The following SMIM35 variants were observed in gnomAD, a reference collection of about 807,000 sequenced individuals.
SMIM35 encodes small integral membrane protein 35.
intron 1 of SMIM35, among the ~76,000 whole-genome samples, chr11:118,060,572 C>T (rs1258476657): frequency 1.3e-5 from 2 of 152,174 alleles, no homozygotes; most frequent in South Asian, 2.1e-4. Context: ...CTGCCATGCT[C>T]ACCTGGGAGA....
intron 1 of SMIM35, among the ~76,000 whole-genome samples, chr11:118,018,597 T>C (rs939388823): frequency 3.9e-5 from 6 of 152,106 alleles, no homozygotes; most frequent in African/African-American, 1.4e-4. Flanking sequence ...GTGGTGTTTG[T>C]GGAAGCTGGG....
intron 1 of SMIM35, among the ~76,000 whole-genome samples, chr11:118,044,288 T>C (rs1317295760): frequency 6.8e-6 from 1 of 147,266 alleles, no homozygotes; most frequent in Non-Finnish European, 1.5e-5. Flanking sequence ...AAACCAAATC[T>C]TAGTCACTGA....
At chr11:118,064,878 C>T (rs1348448609) in intron 1 of SMIM35, among the ~76,000 whole-genome samples, 3 of 152,204 alleles carry the variant, frequency 2.0e-5, no homozygotes, top group Non-Finnish European at 4.4e-5. Context: ...TTTCTAGACT[C>T]AAGCGATATA....
intron 1 of SMIM35, among the ~76,000 whole-genome samples, chr11:118,073,642 C>A (rs1160379954): frequency 1.3e-5 from 2 of 152,182 alleles, no homozygotes; most frequent in African/African-American, 4.8e-5. Context: ...GGAGGCAGCC[C>A]CCTCCTCCAG....
Position 118,015,821 on chromosome 11 carries a change from T to C in SMIM35, c.8-12A>G, listed in dbSNP as rs1286666422. The C allele has an allele frequency of 2.8e-5, 11 of 399,138 alleles. No individual in the cohort carries two copies. The highest frequency in any genetic ancestry group is 4.4e-5 in the Non-Finnish European group (10 of 226,208). 24.7% of individuals were successfully genotyped at this position (399,138 alleles called of 1,614,324 possible). A position where few individuals can be genotyped will look rare whatever the true frequency, so the allele number is the denominator to read the frequency against. On this transcript the variant is annotated splice_polypyrimidine_tract_variant and intron_variant, in intron 1 of 4. Coordinates refer to ENST00000689828, the MANE Select transcript of SMIM35 (RefSeq NM_001394165.1). ...GATGGAGTCCTCACCTGCAGAGACA[T>C]GCAGCTGTGCACCCTCCCACAGCCC...
intron 1 of SMIM35, among the ~76,000 whole-genome samples, chr11:118,041,545 C>T (rs1438925353): frequency 6.6e-6 from 1 of 152,064 alleles, no homozygotes; most frequent in Non-Finnish European, 1.5e-5. Context: ...CAACACACTC[C>T]TAAATACGAC....
intron 1 of SMIM35, among the ~76,000 whole-genome samples, chr11:118,086,222 G>A (rs1052740143): frequency 5.3e-5 from 8 of 152,208 alleles, no homozygotes; most frequent in African/African-American, 1.7e-4. Context: ...AGCTATGCCC[G>A]AACACAAAAG....
chr11:118,053,658 C>CT (rs1038949754), intron 1 of SMIM35, among the ~76,000 whole-genome samples: 1 of 152,196 alleles, frequency 6.6e-6, no homozygotes, highest in Non-Finnish European at 1.5e-5. Flanking sequence ...CAGCATAGCT[C>CT]TTTAATTCCC....
chr11:118,035,109 G>A (rs968557220), intron 1 of SMIM35, among the ~76,000 whole-genome samples: 10 of 152,118 alleles, frequency 6.6e-5, no homozygotes, highest in Middle Eastern at 6.8e-3. Flanking sequence ...CCGCCATTGT[G>A]CCCAGCTAAT....
intron 4 of SMIM35, among the ~76,000 whole-genome samples, chr11:118,009,531 C>A (rs1262236046): frequency 6.6e-6 from 1 of 152,114 alleles, no homozygotes; most frequent in Non-Finnish European, 1.5e-5. Flanking sequence ...CCTGGTCAGA[C>A]ACACGCAGAG....
intron 1 of SMIM35, among the ~76,000 whole-genome samples, chr11:118,045,916 T>C (rs753250823): frequency 3.3e-5 from 5 of 152,220 alleles, no homozygotes; most frequent in Non-Finnish European, 7.3e-5. Context: ...CTGGGCAAGA[T>C]TGAGTTTTAA....
intron 1 of SMIM35, among the ~76,000 whole-genome samples, chr11:118,053,653 T>C (rs1944259434): frequency 6.6e-6 from 1 of 152,208 alleles, no homozygotes; most frequent in South Asian, 2.1e-4. Context: ...ACATCCAGCA[T>C]AGCTCTTTAA....
At chr11:118,057,801 T>G (rs1267917581) in intron 1 of SMIM35, among the ~76,000 whole-genome samples, 1 of 152,170 alleles carries the variant, frequency 6.6e-6, no homozygotes, top group East Asian at 1.9e-4. Context: ...GGATTCTTTA[T>G]GAGGCAGACA....
chr11:118,047,373 G>T (rs1944114821), intron 1 of SMIM35, among the ~76,000 whole-genome samples: 2 of 152,226 alleles, frequency 1.3e-5, no homozygotes, highest in Admixed American at 1.3e-4. Flanking sequence ...GATGGAGACA[G>T]AGAAAATATC....
At chr11:118,016,369 G>T (rs73011704) in intron 1 of SMIM35, among the ~76,000 whole-genome samples, 14,605 of 152,312 alleles carry the variant, frequency 0.096, 976 homozygotes, top group East Asian at 0.37. Flanking sequence ...GAGAGAGAGA[G>T]AGAGGTTGGA....
At chr11:118,024,594 T>C (rs2058259117) in intron 1 of SMIM35, among the ~76,000 whole-genome samples, 1 of 152,086 alleles carries the variant, frequency 6.6e-6, no homozygotes, top group Non-Finnish European at 1.5e-5. Context: ...TGTCTCAGCC[T>C]CCCAAGTAGC....
At chr11:118,073,563 A>C (rs1222824641) in intron 1 of SMIM35, among the ~76,000 whole-genome samples, 1 of 152,266 alleles carries the variant, frequency 6.6e-6, no homozygotes, top group African/African-American at 2.4e-5. Context: ...GAGACAAAAA[A>C]GCTGCCGGTG....
intron 1 of SMIM35, among the ~76,000 whole-genome samples, chr11:118,042,023 C>A (rs1237685008): frequency 6.9e-6 from 1 of 144,336 alleles, no homozygotes; most frequent in Admixed American, 7.1e-5. Context: ...TGCTCTCCAG[C>A]CTGGGCAACA....
intron 1 of SMIM35, among the ~76,000 whole-genome samples, chr11:118,057,830 C>T (rs547448103): frequency 2.0e-5 from 3 of 152,162 alleles, no homozygotes; most frequent in South Asian, 2.1e-4. Context: ...AATGCAGGCA[C>T]GAGGGTGGAA....
Sources: allele counts gnomAD v4.1 joint callset (sites outside exome capture counted in the v4.1 genomes callset), GRCh38; gene constraint gnomAD v4.1.1; transcripts MANE v1.5; gene names NCBI Gene and HGNC (gene_info 2026-07-23, HGNC 2026-07-21).